The following CDH12 variants were observed in gnomAD, a reference collection of about 807,000 sequenced individuals.
CDH12 encodes cadherin-12.
A neutral mutation model predicts 74.1 loss-of-function variants in CDH12; 41 were observed. The ratio of observed to expected loss-of-function variants is 0.55; its 90% CI spans 0.43 to 0.72. The LOEUF is 0.72. Among genes scored for constraint, CDH12 ranks in the 30% least tolerant of loss-of-function variants. CDH12 has a pLI of 0.00. For missense variants in CDH12, 945 were observed against 977.2 expected (o/e 0.97, Z 0.44); for synonymous variants, 399 against 355.0 (o/e 1.12, Z -1.39).
At chr5:22,575,342 T>C (rs1032954823) in intron 1 of CDH12, among the ~76,000 whole-genome samples, 1 of 152,136 alleles carries the variant, frequency 6.6e-6, no homozygotes, top group Admixed American at 6.6e-5. Flanking sequence ...TCACCTTTTG[T>C]GTACTCTGGG....
Position 22,095,382 on chromosome 5 carries a change from G to A in CDH12, c.-186-16520C>T, listed in dbSNP as rs188605147. Among the ~76,000 whole-genome samples, 535 of 152,180 alleles carry A rather than the reference G, an allele frequency of 3.5e-3. 1 individual carries two copies. Among genetic ancestry groups the A allele is most frequent in the Non-Finnish European group, 5.0e-3 (338 of 67,990 alleles). On this transcript the variant is annotated intron_variant, in intron 4 of 14. Coordinates refer to ENST00000382254, the MANE Select transcript of CDH12 (RefSeq NM_004061.5). The stretch of plus-strand genomic sequence containing the variant: ...TCTGTGGACCCAAAACTCCGGCGCC[G>A]GTCATGGACTCGGGAAGGCAGCCTT...
chr5:21,802,729 C>T (rs1239445812), intron 9 of CDH12, among the ~76,000 whole-genome samples: 1 of 150,936 alleles, frequency 6.6e-6, no homozygotes, highest in Non-Finnish European at 1.5e-5. Flanking sequence ...GGATCTGGGA[C>T]TACAGGCGCC....
At chr5:21,839,192 A>G (rs1223124166) in intron 8 of CDH12, among the ~76,000 whole-genome samples, 1 of 152,180 alleles carries the variant, frequency 6.6e-6, no homozygotes, top group African/African-American at 2.4e-5. Flanking sequence ...TAGTCACACC[A>G]TATATTAGAG....
At chr5:22,266,298 A>T (rs2150397241) in intron 3 of CDH12, among the ~76,000 whole-genome samples, 1 of 151,944 alleles carries the variant, frequency 6.6e-6, no homozygotes. Flanking sequence ...CTTGTCTTGA[A>T]CTGACCTCAG....
intron 1 of CDH12, among the ~76,000 whole-genome samples, chr5:22,598,426 C>T (rs1394466479): frequency 2.0e-5 from 3 of 152,052 alleles, no homozygotes; most frequent in Admixed American, 1.3e-4. Flanking sequence ...CTCCTTCACT[C>T]GGCGCTCACT....
At chr5:22,418,673 C>A (rs890622068) in intron 2 of CDH12, among the ~76,000 whole-genome samples, 14 of 152,064 alleles carry the variant, frequency 9.2e-5, no homozygotes, top group African/African-American at 3.4e-4. Context: ...CACTTGAGGT[C>A]AGGAATTCGA....
Position 21,751,490 on chromosome 5 carries a change from A to G in CDH12, c.*247T>C. 2.3e-6 allele frequency: 1 copy of G among 435,866 alleles called. No individual in the cohort carries two copies. The highest frequency in any genetic ancestry group is 3.4e-5 in the South Asian group (1 of 29,220). The allele number at this position is 435,866 out of a possible 1,614,324, so 27.0% of individuals were successfully genotyped here. On this transcript the variant is annotated 3_prime_UTR_variant, in exon 15 of 15. Transcript: ENST00000382254. ...GTGATTGTGAAAAAACAAAACAACA[A>G]AACAAAGCAAGTACACATTATAGGA...
chr5:22,634,989 T>G (rs1738766300), intron 1 of CDH12, among the ~76,000 whole-genome samples: 1 of 151,762 alleles, frequency 6.6e-6, no homozygotes. Context: ...TTTTTTTTTT[T>G]GGCAGAAATT....
chr5:22,600,630 C>G (rs956720816), intron 1 of CDH12, among the ~76,000 whole-genome samples: 3 of 152,022 alleles, frequency 2.0e-5, no homozygotes, highest in Non-Finnish European at 4.4e-5. Context: ...TTTCCCTCCT[C>G]TTATAAATAT....
intron 5 of CDH12, among the ~76,000 whole-genome samples, chr5:22,028,262 G>A (rs1363896475): frequency 1.3e-5 from 2 of 152,044 alleles, no homozygotes; most frequent in South Asian, 2.1e-4. Context: ...TCTGGCCAGG[G>A]CAATTAGGCA....
intron 3 of CDH12, among the ~76,000 whole-genome samples, chr5:22,313,576 T>G (rs1273309083): frequency 6.6e-6 from 1 of 152,154 alleles, no homozygotes; most frequent in African/African-American, 2.4e-5. Flanking sequence ...CTATATAAAT[T>G]TTATTTTAAA....
intron 12 of CDH12, among the ~76,000 whole-genome samples, chr5:21,761,623 A>C (rs774861260): frequency 6.6e-6 from 1 of 152,056 alleles, no homozygotes; most frequent in Non-Finnish European, 1.5e-5. Flanking sequence ...GATGCTATTA[A>C]ACGTGAGATT....
intron 5 of CDH12, among the ~76,000 whole-genome samples, chr5:21,981,893 C>G (rs1284986045): frequency 6.6e-6 from 1 of 152,108 alleles, no homozygotes; most frequent in African/African-American, 2.4e-5. Context: ...AGGCTGGTCT[C>G]AAACTTCTGG....
chr5:22,681,749 T>G (rs569308222), intron 1 of CDH12, among the ~76,000 whole-genome samples: 1 of 152,252 alleles, frequency 6.6e-6, no homozygotes, highest in East Asian at 1.9e-4. Context: ...TTGTTTCAAA[T>G]TTTTAGAAAT....
intron 6 of CDH12, among the ~76,000 whole-genome samples, chr5:21,871,312 C>T (rs1175560311): frequency 8.6e-5 from 13 of 152,034 alleles, no homozygotes; most frequent in Non-Finnish European, 1.2e-4. Flanking sequence ...CTTTAGTTCC[C>T]TCATTTGCAG....
intron 3 of CDH12, among the ~76,000 whole-genome samples, chr5:22,265,523 G>T (rs1422998740): frequency 1.3e-5 from 2 of 152,252 alleles, no homozygotes; most frequent in African/African-American, 2.4e-5. Context: ...CTTTGGAAGA[G>T]AATTGATATT....
chr5:22,761,282 G>A (rs1334703536), intron 1 of CDH12, among the ~76,000 whole-genome samples: 1 of 152,154 alleles, frequency 6.6e-6, no homozygotes, highest in East Asian at 1.9e-4. Flanking sequence ...TATACTAGGA[G>A]CAGGTTATAT....
At chr5:22,437,400 C>CT (rs1744441252) in intron 2 of CDH12, among the ~76,000 whole-genome samples, 1 of 151,584 alleles carries the variant, frequency 6.6e-6, no homozygotes, top group Non-Finnish European at 1.5e-5. Context: ...TCTAATATTA[C>CT]TTAATACAAA....
intron 3 of CDH12, among the ~76,000 whole-genome samples, chr5:22,363,577 T>C (rs1740910765): frequency 6.6e-6 from 1 of 152,320 alleles, no homozygotes; most frequent in East Asian, 1.9e-4. Flanking sequence ...AATATTGATA[T>C]TTAATAAGTT....
Sources: gnomAD v4.1 joint callset for allele counts (sites outside exome capture counted in the v4.1 genomes callset) on GRCh38, gnomAD v4.1.1 for gene constraint, MANE v1.5 for transcripts, NCBI Gene and HGNC (gene_info 2026-07-23, HGNC 2026-07-21) for gene names.